Variants in ADGRA3 observed in about 807,000 individuals in gnomAD.
The protein encoded by ADGRA3 is adhesion G protein-coupled receptor A3, also known as G-protein coupled receptor 125.
Under a neutral mutation model 119.8 loss-of-function variants are expected in ADGRA3, and 56 were observed. The ratio of observed to expected loss-of-function variants is 0.47; its 90% CI spans 0.38 to 0.58. The LOEUF (loss-of-function observed/expected upper bound fraction) is 0.58, where lower values mean the gene tolerates loss of function less well. Ranked by LOEUF, ADGRA3 falls within the 20% of genes least tolerant of loss-of-function variation. The pLI is 0.00. For missense variants in ADGRA3, 1,516 were observed against 1,649.0 expected (o/e 0.92, Z 1.40); for synonymous variants, 607 against 623.8 (o/e 0.97, Z 0.40).
intron 10 of ADGRA3, among the ~76,000 whole-genome samples, chr4:22,428,968 G>A (rs965827876): frequency 1.3e-5 from 2 of 152,098 alleles, no homozygotes; most frequent in African/African-American, 2.4e-5. Context: ...AGAAATGGGT[G>A]GAAGGGGAAA....
At chr4:22,466,547 T>C (rs946581260) in intron 2 of ADGRA3, among the ~76,000 whole-genome samples, 1 of 152,050 alleles carries the variant, frequency 6.6e-6, no homozygotes, top group Admixed American at 6.6e-5. Flanking sequence ...GCCAACATGG[T>C]GAAACCCCGT....
At chr4:22,448,850 A>G (rs1560322780) in intron 4 of ADGRA3, among the ~76,000 whole-genome samples, 3 of 152,204 alleles carry the variant, frequency 2.0e-5, no homozygotes, top group African/African-American at 7.2e-5. Context: ...GTATTTGCAA[A>G]TTGAAAGGAG....
chr4:22,430,788 C>A (rs1330685839), intron 10 of ADGRA3, among the ~76,000 whole-genome samples: 2 of 101,056 alleles, frequency 2.0e-5, no homozygotes, highest in African/African-American at 6.5e-5. Context: ...AGGTCTTCAC[C>A]GCAGCCCCTC....
At chr4:22,451,322 T>C (rs533174708) in intron 4 of ADGRA3, among the ~76,000 whole-genome samples, 2 of 151,976 alleles carry the variant, frequency 1.3e-5, no homozygotes, top group Admixed American at 6.6e-5. Context: ...CAGATTTTGG[T>C]CTGCAGATCT....
chr4:22,472,247 G>A (rs944446212), intron 2 of ADGRA3, among the ~76,000 whole-genome samples: 6 of 152,176 alleles, frequency 3.9e-5, no homozygotes, highest in Non-Finnish European at 7.3e-5. Flanking sequence ...GCAGGGAACA[G>A]AAAACATAAT....
intron 3 of ADGRA3, chr4:22,455,823 G>T: frequency 1.6e-6 from 2 of 1,288,318 alleles, no homozygotes; most frequent in South Asian, 1.2e-5. Flanking sequence ...GGCATGGCAT[G>T]ACTCGCATCA....
chr4:22,399,657 G>T (rs574463973), intron 16 of ADGRA3, among the ~76,000 whole-genome samples: 1 of 152,100 alleles, frequency 6.6e-6, no homozygotes, highest in East Asian at 1.9e-4. Context: ...TCTGCCTCTG[G>T]ACTCTCCATT....
intron 1 of ADGRA3, among the ~76,000 whole-genome samples, chr4:22,512,588 T>C (rs2109191264): frequency 6.6e-6 from 1 of 152,170 alleles, no homozygotes; most frequent in Middle Eastern, 3.4e-3. Flanking sequence ...ACTGGTATCC[T>C]TATAAGAGAA....
intron 16 of ADGRA3, among the ~76,000 whole-genome samples, chr4:22,395,914 C>G (rs1052840560): frequency 1.3e-5 from 2 of 152,102 alleles, no homozygotes; most frequent in Non-Finnish European, 2.9e-5. Context: ...ATCTCTTGTG[C>G]CATTGCAGCA....
At chr4:22,398,092 C>G (rs1714442435) in intron 16 of ADGRA3, 8 of 985,238 alleles carry the variant, frequency 8.1e-6, no homozygotes, top group African/African-American at 1.7e-5. Flanking sequence ...TGAGACCCAT[C>G]ATCTGACTTC....
intron 1 of ADGRA3, among the ~76,000 whole-genome samples, chr4:22,509,542 T>G (rs573766318): frequency 6.6e-6 from 1 of 150,522 alleles, no homozygotes; most frequent in Non-Finnish European, 1.5e-5. Flanking sequence ...AAGCATGCAG[T>G]TCACTCAGCA....
intron 11 of ADGRA3, 23 bp downstream of exon 11, chr4:22,424,162 TCAGGAG>T (rs1172070412): frequency 1.3e-6 from 2 of 1,574,718 alleles, no homozygotes; most frequent in Admixed American, 3.5e-5. Flanking sequence ...ACTTTTTTTC[TCAGGAG>T]TCTATGATAA....
chr4:22,488,624 G>A (rs776697662), intron 1 of ADGRA3, among the ~76,000 whole-genome samples: 10 of 152,154 alleles, frequency 6.6e-5, no homozygotes, highest in Non-Finnish European at 1.2e-4. Flanking sequence ...CAAAGAAAAC[G>A]TGGGAACAAT....
chr4:22,426,361 C>A (rs751511070), intron 10 of ADGRA3, among the ~76,000 whole-genome samples: 19 of 152,136 alleles, frequency 1.2e-4, no homozygotes, highest in Non-Finnish European at 2.1e-4. Flanking sequence ...AGGGTAGAGA[C>A]AACAAAATGT....
intron 14 of ADGRA3, among the ~76,000 whole-genome samples, chr4:22,408,536 T>C (rs1234548876): frequency 6.6e-6 from 1 of 152,116 alleles, no homozygotes; most frequent in Non-Finnish European, 1.5e-5. Flanking sequence ...AATAAAAAGC[T>C]AAAGAAGTGC....
rs558728057 is a variant in ADGRA3 at position 22,443,311 on chromosome 4, GA to G, written c.707-449del. On this transcript the variant is annotated intron_variant, in intron 6 of 18. Coordinates refer to ENST00000334304, the MANE Select transcript of ADGRA3 (RefSeq NM_145290.4). The stretch of plus-strand genomic sequence containing the variant: ...AAAATCAGAACATTTAAAGAAAACA[GA>G]AAAAAACAGTATGTTAAGATCCCAT... Among the ~76,000 whole-genome samples the G allele has an allele frequency of 5.3e-5, 8 of 151,924 alleles. 1 individual carries two copies. In the East Asian group the frequency reaches 1.5e-3, roughly 29 times the overall value.
At chr4:22,467,349 G>C (rs1717697506) in intron 2 of ADGRA3, among the ~76,000 whole-genome samples, 1 of 152,074 alleles carries the variant, frequency 6.6e-6, no homozygotes, top group African/African-American at 2.4e-5. Flanking sequence ...CTCCCTCCCT[G>C]CAACTCCCCA....
At chr4:22,458,655 G>T (rs1717330060) in intron 3 of ADGRA3, among the ~76,000 whole-genome samples, 1 of 152,022 alleles carries the variant, frequency 6.6e-6, no homozygotes, top group African/African-American at 2.4e-5. Flanking sequence ...GCTACACCTG[G>T]TTGATAGTCC....
At chr4:22,448,775 G>T (rs1285399310) in intron 4 of ADGRA3, among the ~76,000 whole-genome samples, 5 of 151,996 alleles carry the variant, frequency 3.3e-5, no homozygotes, top group African/African-American at 4.8e-5. Flanking sequence ...TAATTTTTTT[G>T]TAAGAAAAAG....
Sources: gnomAD v4.1 joint callset for allele counts (sites outside exome capture counted in the v4.1 genomes callset) on GRCh38, gnomAD v4.1.1 for gene constraint, MANE v1.5 for transcripts, NCBI Gene and HGNC (gene_info 2026-07-23, HGNC 2026-07-21) for gene names.